Variants in RBFOX1 observed in about 807,000 individuals in gnomAD.
RBFOX1 encodes the protein RNA binding protein fox-1 homolog 1.
A neutral mutation model predicts 57.7 loss-of-function variants in RBFOX1; 8 were observed. That is an observed-to-expected ratio of 0.14 (90% CI 0.08 to 0.25). The LOEUF (loss-of-function observed/expected upper bound fraction) is 0.25, where lower values mean the gene tolerates loss of function less well. RBFOX1 is among the 10% of genes least tolerant of loss of function. The pLI is 1.00. For missense variants in RBFOX1, 611 were observed against 548.5 expected (o/e 1.11, Z -1.14); for synonymous variants, 326 against 222.4 (o/e 1.47, Z -4.15).
intron 3 of RBFOX1, among the ~76,000 whole-genome samples, chr16:5,640,101 C>G (rs1026305207): frequency 6.6e-6 from 1 of 152,068 alleles, no homozygotes; most frequent in African/African-American, 2.4e-5. Context: ...GGTAAAAGAA[C>G]CTTCTGTAGC....
chr16:6,336,231 C>T (rs1214936751), intron 2 of RBFOX1, among the ~76,000 whole-genome samples: 2 of 98,654 alleles, frequency 2.0e-5, no homozygotes, highest in Non-Finnish European at 3.8e-5. Flanking sequence ...TGGAGTCTCG[C>T]TCTGTCGCCC....
chr16:6,166,570 T>C (rs1036954829), intron 1 of RBFOX1, among the ~76,000 whole-genome samples: 2 of 152,180 alleles, frequency 1.3e-5, no homozygotes, highest in Admixed American at 1.3e-4. Context: ...AAGGGTGACC[T>C]GAGACTCCAA....
At chr16:6,299,534 G>A (rs549937009) in intron 1 of RBFOX1, among the ~76,000 whole-genome samples, 1 of 152,028 alleles carries the variant, frequency 6.6e-6, no homozygotes, top group East Asian at 1.9e-4. Context: ...TGATTTCAGA[G>A]ACCTCATTTT....
At chr16:7,189,889 C>A (rs983123050) in intron 4 of RBFOX1, among the ~76,000 whole-genome samples, 5 of 152,210 alleles carry the variant, frequency 3.3e-5, no homozygotes, top group African/African-American at 1.2e-4. Context: ...CAACTCACAT[C>A]CATAAGAAAA....
At position 6,900,080 on chromosome 16, in the gene RBFOX1, C is replaced by T. The variant is rs115195340; in HGVS notation, c.-15-151977C>T. On this transcript the variant is annotated intron_variant, in intron 3 of 15. Coordinates refer to ENST00000550418, the MANE Select transcript of RBFOX1 (RefSeq NM_018723.4). ...TAAATGAGTTAATACTCATAAAATG[C>T]TTAGAACAGTTCCTGGCACATGAAA... Among the ~76,000 whole-genome samples the T allele has an allele frequency of 1.2e-3, 183 of 152,232 alleles. 1 individual carries two copies. The highest frequency in any genetic ancestry group is 4.0e-3 in the African/African-American group (168 of 41,518).
chr16:5,338,702 A>T (rs2064959983), intron 1 of RBFOX1, among the ~76,000 whole-genome samples: 1 of 152,200 alleles, frequency 6.6e-6, no homozygotes, highest in East Asian at 1.9e-4. Context: ...TCTATCACCC[A>T]GGCTGGAGTG....
rs572860593 is a variant in RBFOX1 at position 5,538,649 on chromosome 16, G to C, written c.259-60253G>C. Among the ~76,000 whole-genome samples the C allele has an allele frequency of 2.3e-3, 338 of 147,430 alleles. 2 individuals are homozygous for C. Among genetic ancestry groups the C allele is most frequent in the African/African-American group, 8.1e-3 (323 of 39,884 alleles). On this transcript the variant is annotated intron_variant, in intron 2 of 2. Transcript: ENST00000585867. The stretch of plus-strand genomic sequence containing the variant: ...TTTTTTTTTTTGTTTTTTTAAGACA[G>C]AGTCTTACCCTTGTTGCCTAGGCTG...
intron 4 of RBFOX1, among the ~76,000 whole-genome samples, chr16:7,298,860 G>C (rs1216029141): frequency 6.6e-6 from 1 of 152,170 alleles, no homozygotes; most frequent in Non-Finnish European, 1.5e-5. Flanking sequence ...AGGAGGACGA[G>C]GAAGACAAGG....
chr16:6,487,751 ATAT>A (rs1567406052), intron 2 of RBFOX1, among the ~76,000 whole-genome samples: 38 of 72,940 alleles, frequency 5.2e-4, no homozygotes, highest in African/African-American at 1.9e-3. Flanking sequence ...ATATATATAT[ATAT>A]AAAATATTAT....
At chr16:6,435,862 A>G (rs1205012501) in intron 2 of RBFOX1, among the ~76,000 whole-genome samples, 1 of 152,152 alleles carries the variant, frequency 6.6e-6, no homozygotes, top group Non-Finnish European at 1.5e-5. Context: ...GCCATTCATC[A>G]AATTCCAATG....
intron 14 of RBFOX1, among the ~76,000 whole-genome samples, chr16:7,703,776 C>G (rs1044159322): frequency 5.3e-5 from 8 of 152,220 alleles, no homozygotes; most frequent in South Asian, 2.1e-4. Flanking sequence ...TGCTCCAACA[C>G]AACCTTAAGT....
intron 11 of RBFOX1, among the ~76,000 whole-genome samples, chr16:7,648,157 C>T (rs1302740111): frequency 3.3e-5 from 5 of 152,096 alleles, no homozygotes; most frequent in East Asian, 1.9e-4. Flanking sequence ...ATGGATTATT[C>T]GTGTTAGTGG....
intron 3 of RBFOX1, among the ~76,000 whole-genome samples, chr16:6,917,096 C>G (rs1411404929): frequency 1.3e-5 from 2 of 152,214 alleles, no homozygotes; most frequent in African/African-American, 4.8e-5. Flanking sequence ...GGTTATCCAC[C>G]TGCCTTGGCC....
In RBFOX1 at chr16:7,166,671, C is replaced by T. The variant is rs570157712; in HGVS notation, c.27+114573C>T. 4.6e-5 allele frequency among the ~76,000 whole-genome samples: 7 copies of T among 152,206 alleles called. No homozygotes were observed. The East Asian group carries it at 1.4e-3, about 29-fold the overall frequency. On this transcript the variant is annotated intron_variant, in intron 4 of 15. Coordinates refer to ENST00000550418, the MANE Select transcript of RBFOX1 (RefSeq NM_018723.4). ...TGGTGAGGAAGGGGTGAGTGTAAAC[C>T]ATCTTTGCCCCAGTCTGCTGTCAGC... is the stretch of plus-strand genomic sequence containing the variant.
chr16:5,473,223 C>G (rs577921498), intron 2 of RBFOX1, among the ~76,000 whole-genome samples: 3 of 152,174 alleles, frequency 2.0e-5, no homozygotes, highest in Admixed American at 2.0e-4. Flanking sequence ...TATATGCTCC[C>G]CAAGAAATAT....
At chr16:6,496,095 T>C (rs140647519) in intron 2 of RBFOX1, among the ~76,000 whole-genome samples, 3 of 152,224 alleles carry the variant, frequency 2.0e-5, no homozygotes, top group African/African-American at 4.8e-5. Context: ...AAGAAAGATA[T>C]GTGCTACTCT....
chr16:7,080,785 GC>G (rs1255488758), intron 4 of RBFOX1, among the ~76,000 whole-genome samples: 7 of 152,212 alleles, frequency 4.6e-5, no homozygotes, highest in African/African-American at 1.7e-4. Context: ...ATCATTCATT[GC>G]GTGGAAGACC....
intron 3 of RBFOX1, among the ~76,000 whole-genome samples, chr16:6,715,671 C>G (rs2064662027): frequency 6.6e-6 from 1 of 152,148 alleles, no homozygotes; most frequent in African/African-American, 2.4e-5. Context: ...AAACCCATTT[C>G]TTGAAGATGA....
At chr16:7,123,564 C>T (rs907700530) in intron 4 of RBFOX1, among the ~76,000 whole-genome samples, 14 of 151,992 alleles carry the variant, frequency 9.2e-5, no homozygotes, top group Non-Finnish European at 1.8e-4. Flanking sequence ...GGGGTTTTGA[C>T]ATATTGTCCA....
Sources: allele counts gnomAD v4.1 joint callset (sites outside exome capture counted in the v4.1 genomes callset), GRCh38; gene constraint gnomAD v4.1.1; transcripts MANE v1.5; gene names NCBI Gene and HGNC (gene_info 2026-07-23, HGNC 2026-07-21).